Variants in ATG4B observed in about 807,000 individuals in gnomAD.
ATG4B encodes the protein cysteine protease ATG4B.
ATG4B carries 29 observed loss-of-function variants against 56.6 expected under a neutral mutation model. That is an observed-to-expected ratio of 0.51 (90% CI 0.38 to 0.70). The LOEUF is 0.70. ATG4B is among the 30% of genes least tolerant of loss of function. The pLI, the probability that ATG4B is intolerant of heterozygous loss-of-function variation, is 0.00. For synonymous variants in ATG4B, 224 were observed against 206.1 expected (o/e 1.09, Z -0.74); for missense variants, 461 against 515.5 (o/e 0.89, Z 1.02).
intron 10 of ATG4B, among the ~76,000 whole-genome samples, chr2:241,669,632 G>A (rs112711187): frequency 6.6e-6 from 1 of 152,034 alleles, no homozygotes; most frequent in African/African-American, 2.4e-5. Context: ...CTCAGCCTCT[G>A]GATTAGCTGG....
At chr2:241,662,539 C>T (rs889216120) in intron 7 of ATG4B, among the ~76,000 whole-genome samples, 7 of 152,194 alleles carry the variant, frequency 4.6e-5, no homozygotes, top group African/African-American at 1.7e-4. Context: ...GTGTTTGTGA[C>T]GTGGTAGGTC....
chr2:241,650,697 A>C (rs1482294655), intron 1 of ATG4B, among the ~76,000 whole-genome samples: 1 of 151,824 alleles, frequency 6.6e-6, no homozygotes, highest in Non-Finnish European at 1.5e-5. Context: ...TTGGCCTCTC[A>C]CCCTCGTGTC....
At position 241,666,621 on chromosome 2, in the gene ATG4B, G is replaced by A. The variant is rs6709768; in HGVS notation, c.539-24G>A. On this transcript the variant is annotated intron_variant, in intron 7 of 12. Transcript: ENST00000404914. ...ACTTTTGCACAGGTCTGCTTGGTTA[G>A]TGAAAGCATGTCTCCCTTTCTAGGA... The A allele has an allele frequency of 2.5e-6, 4 of 1,610,204 alleles. No homozygotes were observed. In the Admixed American group the frequency reaches 6.7e-5, roughly 27 times the overall value.
intron 1 of ATG4B, chr2:241,638,441 A>G (rs944411132): frequency 6.6e-6 from 1 of 152,116 alleles, no homozygotes; most frequent in African/African-American, 2.4e-5. Flanking sequence ...CATTTTTGCT[A>G]GCAAGATTAT....
chr2:241,664,227 A>G (rs1287674189), intron 7 of ATG4B, among the ~76,000 whole-genome samples: 4 of 152,186 alleles, frequency 2.6e-5, no homozygotes, highest in Non-Finnish European at 5.9e-5. Flanking sequence ...TAAAAAAATC[A>G]AAGTTAAAAT....
intron 1 of ATG4B, among the ~76,000 whole-genome samples, chr2:241,642,359 A>AC (rs1443289398): frequency 6.6e-6 from 1 of 152,134 alleles, no homozygotes; most frequent in African/African-American, 2.4e-5. Context: ...TCAGGACTGA[A>AC]CTACTAGCAT....
At chr2:241,638,696 T>C (rs2067771726) in intron 1 of ATG4B, among the ~76,000 whole-genome samples, 1 of 152,244 alleles carries the variant, frequency 6.6e-6, no homozygotes, top group Admixed American at 6.5e-5. Flanking sequence ...TAATGTGTAT[T>C]GCCAATATCT....
chr2:241,672,719 G>GTCT lies in ATG4B; in HGVS notation c.*455_*456insTCT. On this transcript the variant is annotated 3_prime_UTR_variant, in exon 13 of 13. Coordinates refer to ENST00000404914, the MANE Select transcript of ATG4B (RefSeq NM_013325.5). ...GTGAGAGGAGCGGCAGCCACACTGCGGCCCCACGCCCAAGGACTGGGCTGC... is the reference window on the plus strand; with the variant it reads ...GTGAGAGGAGCGGCAGCCACACTGCGTCTGCCCCACGCCCAAGGACTGGGCTGC... 1 of 184,132 alleles carries GTCT rather than the reference G, an allele frequency of 5.4e-6. No individual in the cohort carries two copies. Among genetic ancestry groups the GTCT allele is most frequent in the Non-Finnish European group, 1.2e-5 (1 of 86,852 alleles). 11.4% of individuals were successfully genotyped at this position (184,132 alleles called of 1,614,324 possible).
chr2:241,653,284 T>C (rs2068277063), intron 3 of ATG4B: 1 of 1,495,430 alleles, frequency 6.7e-7, no homozygotes, highest in African/African-American at 1.4e-5. Context: ...ACTGACTTGT[T>C]CATGTGTTTT....
intron 10 of ATG4B, among the ~76,000 whole-genome samples, chr2:241,669,769 AGTGCT>A (rs1301227929): frequency 6.6e-6 from 1 of 152,198 alleles, no homozygotes; most frequent in African/African-American, 2.4e-5. Context: ...GGCCTCCCAA[AGTGCT>A]GGGATTACAG....
intron 7 of ATG4B, among the ~76,000 whole-genome samples, chr2:241,659,978 T>C (rs975994778): frequency 6.6e-6 from 1 of 152,016 alleles, no homozygotes; most frequent in Admixed American, 6.6e-5. Context: ...GATCATGAGG[T>C]CAGGAGTTCA....
intron 3 of ATG4B, among the ~76,000 whole-genome samples, chr2:241,653,008 G>A (rs540296322): frequency 5.3e-5 from 8 of 152,314 alleles, no homozygotes; most frequent in South Asian, 2.1e-4. Context: ...CACATGCCGC[G>A]CAGTTCCATG....
At chr2:241,649,936 AC>A (rs2068179707) in intron 1 of ATG4B, among the ~76,000 whole-genome samples, 1 of 151,850 alleles carries the variant, frequency 6.6e-6, no homozygotes, top group African/African-American at 2.4e-5. Context: ...GGCGCCCGCC[AC>A]CACGCCTGGC....
At chr2:241,638,573 T>A (rs1031783621) in intron 1 of ATG4B, among the ~76,000 whole-genome samples, 1 of 152,258 alleles carries the variant, frequency 6.6e-6, no homozygotes, top group African/African-American at 2.4e-5. Context: ...CCCCCATCTG[T>A]AAAGAAAGAT....
intron 1 of ATG4B, among the ~76,000 whole-genome samples, chr2:241,639,408 C>T (rs2067814190): frequency 6.6e-6 from 1 of 152,216 alleles, no homozygotes; most frequent in African/African-American, 2.4e-5. Flanking sequence ...CTGGCTCCGT[C>T]CCCGCTGCTT....
At chr2:241,641,412 T>C (rs917349353) in intron 1 of ATG4B, among the ~76,000 whole-genome samples, 4 of 151,810 alleles carry the variant, frequency 2.6e-5, no homozygotes, top group Non-Finnish European at 5.9e-5. Flanking sequence ...TAGCCGGGCA[T>C]AGTGGCGGGC....
chr2:241,655,157 G>T, intron 5 of ATG4B, 114 bp from the exon 6 acceptor site: 1 of 1,005,912 alleles, frequency 9.9e-7, no homozygotes, highest in South Asian at 1.5e-5. Context: ...CCGTCTGGAG[G>T]CTGGGTCGGG....
intron 11 of ATG4B, 24 bp from the exon 12 acceptor site, chr2:241,671,288 C>G (rs1267213714): frequency 1.2e-6 from 2 of 1,601,236 alleles, no homozygotes; most frequent in Non-Finnish European, 1.7e-6. Flanking sequence ...GAGGCTGCAC[C>G]TAACGGCCAT....
At chr2:241,659,384 G>A (rs2068520276) in intron 7 of ATG4B, 197 bp downstream of exon 7, 1 of 664,458 alleles carries the variant, frequency 1.5e-6, no homozygotes, top group Admixed American at 2.1e-5. Context: ...TACCAAGAGA[G>A]GAGAGCCCAG....
Sources: allele counts gnomAD v4.1 joint callset (sites outside exome capture counted in the v4.1 genomes callset), GRCh38; gene constraint gnomAD v4.1.1; transcripts MANE v1.5; gene names NCBI Gene and HGNC (gene_info 2026-07-23, HGNC 2026-07-21).